Variants in LRP1B observed in about 807,000 individuals in gnomAD.
The protein encoded by LRP1B is LDL receptor related protein 1B, also known as low-density lipoprotein receptor-related protein 1B.
In LRP1B, 217 loss-of-function variants were observed where a neutral mutation model predicts 556.6. The ratio of observed to expected loss-of-function variants is 0.39; its 90% CI spans 0.35 to 0.44. The LOEUF (loss-of-function observed/expected upper bound fraction) is 0.44, where lower values mean the gene tolerates loss of function less well. Ranked by LOEUF, LRP1B falls within the 20% of genes least tolerant of loss-of-function variation. The probability of loss-of-function intolerance (pLI) is 1.00; values close to 1 mark genes in which losing one functional copy is unlikely to be tolerated. For synonymous variants in LRP1B, 2,047 were observed against 1,865.8 expected, an observed-to-expected ratio of 1.10 and a Z score of -2.50; for missense variants, 5,053 against 5,620.8, an observed-to-expected ratio of 0.90 and a Z score of 3.23.
intron 21 of LRP1B, among the ~76,000 whole-genome samples, chr2:140,910,525 G>A (rs1573869718): frequency 6.6e-6 from 1 of 151,452 alleles, no homozygotes; most frequent in African/African-American, 2.4e-5. Flanking sequence ...AAAGTCACTG[G>A]ACAGTCAATA....
chr2:141,562,799 A>C (rs1194630904), intron 2 of LRP1B, among the ~76,000 whole-genome samples: 1 of 152,040 alleles, frequency 6.6e-6, no homozygotes, highest in Non-Finnish European at 1.5e-5. Context: ...CAAGGAAATT[A>C]GACTCCATTC....
chr2:141,968,306 G>T (rs1701621723), intron 1 of LRP1B, among the ~76,000 whole-genome samples: 1 of 151,762 alleles, frequency 6.6e-6, no homozygotes, highest in Non-Finnish European at 1.5e-5. Context: ...ATTAATCAGT[G>T]GTAGAAATTA....
At chr2:141,181,374 GT>G (rs1193469106) in intron 7 of LRP1B, among the ~76,000 whole-genome samples, 1 of 151,886 alleles carries the variant, frequency 6.6e-6, no homozygotes, top group Non-Finnish European at 1.5e-5. Context: ...ATATGTAGTT[GT>G]TTTTCTGTTA....
intron 80 of LRP1B, among the ~76,000 whole-genome samples, chr2:140,325,268 G>A (rs1165352008): frequency 6.6e-6 from 1 of 152,058 alleles, no homozygotes; most frequent in Non-Finnish European, 1.5e-5. Flanking sequence ...CAACAGAGGA[G>A]CACAAGTAGA....
At chr2:140,701,657 T>C (rs937503331) in intron 40 of LRP1B, 64 bp downstream of exon 40, 7 of 1,492,272 alleles carry the variant, frequency 4.7e-6, no homozygotes, top group Admixed American at 2.1e-5. Context: ...TTGACAATGT[T>C]TTTAAAAATT....
chr2:140,513,986 T>C (rs1159689858), intron 51 of LRP1B, among the ~76,000 whole-genome samples: 1 of 152,004 alleles, frequency 6.6e-6, no homozygotes, highest in Non-Finnish European at 1.5e-5. Context: ...ACTAGCTTGT[T>C]TCCTTCTTTT....
intron 1 of LRP1B, among the ~76,000 whole-genome samples, chr2:142,028,568 G>A (rs1177439319): frequency 6.6e-6 from 1 of 151,894 alleles, no homozygotes; most frequent in African/African-American, 2.4e-5. Context: ...TTTATCTGTT[G>A]ATCAGTTGAT....
In LRP1B at chr2:140,702,227, T is replaced by C; in HGVS notation, c.6216A>G (p.Gly2072=). 1.2e-6 allele frequency: 2 copies of C among 1,613,718 alleles called. No homozygotes were observed. Among genetic ancestry groups the C allele is most frequent in the Non-Finnish European group, 1.7e-6 (2 of 1,179,766 alleles). ...DKIERIDLET[G]GNREMVLSGS... is the part of the protein sequence containing the mutation. ...CTGACAGCACCATCTCGCGATTCCC[T>C]CCAGTCTCAAGGTCGATTCTCTCTA... The change falls in exon 39 of 91, where the codon GGA becomes GGG. Residue 2072 remains glycine (G), a synonymous_variant. Coordinates refer to ENST00000389484, the MANE Select transcript of LRP1B (RefSeq NM_018557.3).
intron 2 of LRP1B, among the ~76,000 whole-genome samples, chr2:141,596,343 G>C (rs1019724186): frequency 3.9e-5 from 6 of 151,922 alleles, no homozygotes; most frequent in African/African-American, 1.4e-4. Flanking sequence ...ACTTATGAAG[G>C]ATATGGGAAA....
chr2:141,544,438 C>T (rs891470309), intron 2 of LRP1B, among the ~76,000 whole-genome samples: 96 of 139,770 alleles, frequency 6.9e-4, no homozygotes, highest in African/African-American at 2.4e-3. Context: ...TCCTTCTCCT[C>T]CTTCTCCTCC....
chr2:140,690,626 C>T (rs1369377943), intron 41 of LRP1B, among the ~76,000 whole-genome samples: 1 of 152,078 alleles, frequency 6.6e-6, no homozygotes, highest in East Asian at 1.9e-4. Flanking sequence ...TTATAGCTTG[C>T]AACAAAATGA....
intron 2 of LRP1B, among the ~76,000 whole-genome samples, chr2:141,602,046 C>T (rs899871567): frequency 5.3e-5 from 8 of 152,076 alleles, no homozygotes; most frequent in Admixed American, 1.3e-4. Context: ...GAGCAAATGA[C>T]TTGAATTAGC....
chr2:141,330,871 GT>G (rs1473180102), intron 3 of LRP1B, among the ~76,000 whole-genome samples: 1 of 150,722 alleles, frequency 6.6e-6, no homozygotes, highest in African/African-American at 2.4e-5. Flanking sequence ...TCCTGCCTCA[GT>G]CTCCCAAGTA....
At chr2:142,117,796 T>G (rs1448555916) in intron 1 of LRP1B, among the ~76,000 whole-genome samples, 1 of 152,166 alleles carries the variant, frequency 6.6e-6, no homozygotes, top group African/African-American at 2.4e-5. Context: ...TCAAGTTGAA[T>G]ATCAGCTGCC....
At chr2:140,718,896 T>C (rs532723399) in intron 35 of LRP1B, among the ~76,000 whole-genome samples, 1 of 152,174 alleles carries the variant, frequency 6.6e-6, no homozygotes, top group Admixed American at 6.6e-5. Flanking sequence ...CCCCAAGATA[T>C]CTCAGCTGTC....
chr2:140,371,341 AAT>A lies in LRP1B; in HGVS notation c.10769-58_10769-57del, dbSNP rs751436962. On this transcript the variant is annotated intron_variant, in intron 69 of 90. Transcript: ENST00000389484. ...TAGAGTAAAAATAACAGGTTTTAGA[AAT>A]AAAAACATAAACACATAAATATATG... 3 of 888,410 alleles carry A rather than the reference AAT, an allele frequency of 3.4e-6. No homozygotes were observed. The East Asian group carries it at 8.3e-5, about 24-fold the overall frequency. The allele number at this position is 888,410 out of a possible 1,614,324, so 55.0% of individuals were successfully genotyped here.
intron 3 of LRP1B, among the ~76,000 whole-genome samples, chr2:141,303,980 T>G (rs2105435194): frequency 6.6e-6 from 1 of 152,314 alleles, no homozygotes; most frequent in Non-Finnish European, 1.5e-5. Context: ...TGACATCTCA[T>G]TGTGGCTTTG....
intron 2 of LRP1B, among the ~76,000 whole-genome samples, chr2:141,750,472 G>T (rs1444953223): frequency 6.6e-6 from 1 of 152,046 alleles, no homozygotes; most frequent in Non-Finnish European, 1.5e-5. Context: ...AGAAAAAAAA[G>T]CTTCTCATCT....
At chr2:141,263,393 C>G (rs1234433890) in intron 3 of LRP1B, among the ~76,000 whole-genome samples, 1 of 152,056 alleles carries the variant, frequency 6.6e-6, no homozygotes, top group African/African-American at 2.4e-5. Context: ...ACTCTAGGCC[C>G]ATATTGACAA....
Sources: gnomAD v4.1 joint callset for allele counts (sites outside exome capture counted in the v4.1 genomes callset) on GRCh38, gnomAD v4.1.1 for gene constraint, MANE v1.5 for transcripts, NCBI Gene and HGNC (gene_info 2026-07-23, HGNC 2026-07-21) for gene names.